Variants in COPG2 observed in about 807,000 individuals in gnomAD.
COPG2 encodes coat protein complex I subunit gamma 2.
A neutral mutation model predicts 46.3 loss-of-function variants in COPG2; 37 were observed. That is an observed-to-expected ratio of 0.80 (90% CI 0.61 to 1.05). The LOEUF (loss-of-function observed/expected upper bound fraction) is 1.05, where lower values mean the gene tolerates loss of function less well. Ranked by LOEUF, COPG2 falls within the 50% of genes least tolerant of loss-of-function variation. The pLI is 0.00. For synonymous variants in COPG2, 159 were observed against 129.7 expected (o/e 1.23, Z -1.53); for missense variants, 427 against 387.8 (o/e 1.10, Z -0.85).
intron 2 of COPG2, 106 bp downstream of exon 2, chr7:130,667,376 A>C: frequency 1.2e-6 from 1 of 858,258 alleles, no homozygotes. Flanking sequence ...AAACTCTGTT[A>C]CGTTTCTTGT....
intron 22 of COPG2, 39 bp from the exon 23 acceptor site, chr7:130,507,411 A>G: frequency 1.3e-6 from 1 of 779,768 alleles, no homozygotes; most frequent in Non-Finnish European, 2.4e-6. Flanking sequence ...TTAGGAAAGT[A>G]AAGCACAGGG....
At chr7:130,509,649 G>A (rs182888747) in intron 20 of COPG2, 26 of 515,218 alleles carry the variant, frequency 5.0e-5, no homozygotes, top group African/African-American at 1.3e-4. Context: ...GACATTACAC[G>A]TAAAGGTATA....
chr7:130,663,000 G>T lies in COPG2; in HGVS notation c.210C>A (p.Phe70Leu). Residue 70 changes from phenylalanine to leucine, a missense_variant, in exon 4 of 24, where the codon TTC (phenylalanine) becomes TTA (leucine). Coordinates refer to ENST00000425248, the MANE Select transcript of COPG2 (RefSeq NM_012133.6). ...ATTGAAACAATCGCGTCATTGCAAA[G>T]AAGGCTTCTGTAGCTTCCGTTGTTC... ...HFGTTEATEAFFAMTRLFQSN... is the reference protein window; with the variant it reads ...HFGTTEATEALFAMTRLFQSN... The T allele has an allele frequency of 6.4e-7, 1 of 1,550,844 alleles. No homozygotes were observed. Among genetic ancestry groups the T allele is most frequent in the Admixed American group, 2.1e-5 (1 of 48,726 alleles).
At chr7:130,533,627 A>C (rs991970281) in intron 20 of COPG2, among the ~76,000 whole-genome samples, 1 of 152,156 alleles carries the variant, frequency 6.6e-6, no homozygotes, top group Non-Finnish European at 1.5e-5. Flanking sequence ...TCAGAGCTCA[A>C]ATCAGACAGT....
At chr7:130,531,873 GCACGGACCCCCAGGCAGGCCTATCCAAT>G (rs1799829694) in intron 20 of COPG2, among the ~76,000 whole-genome samples, 2 of 152,054 alleles carry the variant, frequency 1.3e-5, no homozygotes, top group African/African-American at 4.8e-5. Context: ...AGGGCTGGGG[GCACGGACCCCCAGGCAGGCCTATCCAAT>G]CATCTGAGGG....
At chr7:130,592,871 C>T (rs1211004320) in intron 9 of COPG2, among the ~76,000 whole-genome samples, 1 of 152,232 alleles carries the variant, frequency 6.6e-6, no homozygotes, top group Non-Finnish European at 1.5e-5. Context: ...TTGTATCCCA[C>T]CTGATCACAA....
At chr7:130,525,328 G>C (rs1310761122) in intron 20 of COPG2, among the ~76,000 whole-genome samples, 30 of 152,136 alleles carry the variant, frequency 2.0e-4, no homozygotes, top group Admixed American at 1.6e-3. Flanking sequence ...CCGTCATCAA[G>C]GCCAGACTGT....
At chr7:130,561,573 C>T (rs1041425243) in intron 11 of COPG2, among the ~76,000 whole-genome samples, 1 of 152,094 alleles carries the variant, frequency 6.6e-6, no homozygotes, top group Non-Finnish European at 1.5e-5. Flanking sequence ...AGTCAGTGCT[C>T]GACAAAGACT....
At chr7:130,617,110 TC>T (rs1794964864) in intron 5 of COPG2, 45 bp from the exon 6 acceptor site, 1 of 1,264,252 alleles carries the variant, frequency 7.9e-7, no homozygotes, top group African/African-American at 1.5e-5. Flanking sequence ...TTAAAATCTC[TC>T]CCATGGAGTT....
intron 12 of COPG2, among the ~76,000 whole-genome samples, chr7:130,556,059 C>T (rs1194384464): frequency 6.6e-6 from 1 of 152,050 alleles, no homozygotes; most frequent in African/African-American, 2.4e-5. Context: ...AGCCCCAATT[C>T]CCAAAGTGCA....
chr7:130,621,772 G>A (rs1164046357), intron 5 of COPG2, among the ~76,000 whole-genome samples: 5 of 151,750 alleles, frequency 3.3e-5, no homozygotes, highest in African/African-American at 9.7e-5. Flanking sequence ...GTGAAACCCC[G>A]TCTCTACTAA....
chr7:130,541,365 G>A (rs1799935318), intron 20 of COPG2, among the ~76,000 whole-genome samples: 2 of 151,858 alleles, frequency 1.3e-5, no homozygotes, highest in African/African-American at 4.8e-5. Flanking sequence ...AAGGGAAATG[G>A]AGACAGTGTG....
chr7:130,573,274 T>C (rs1197520686), intron 9 of COPG2, among the ~76,000 whole-genome samples: 4 of 148,988 alleles, frequency 2.7e-5, no homozygotes, highest in Non-Finnish European at 5.9e-5. Context: ...ATATTTAAAA[T>C]AATAATAATA....
At chr7:130,536,952 G>T (rs1031630083) in intron 20 of COPG2, among the ~76,000 whole-genome samples, 2 of 150,776 alleles carry the variant, frequency 1.3e-5, no homozygotes, top group African/African-American at 5.0e-5. Context: ...TGTGGAAGGA[G>T]AGCGTCTTGA....
At chr7:130,526,496 G>GC (rs1799775525) in intron 20 of COPG2, among the ~76,000 whole-genome samples, 1 of 152,032 alleles carries the variant, frequency 6.6e-6, no homozygotes, top group Non-Finnish European at 1.5e-5. Context: ...ATAAGGCAGC[G>GC]CAACGGGGGA....
chr7:130,511,205 A>G (rs964437659), intron 20 of COPG2, among the ~76,000 whole-genome samples: 14 of 151,758 alleles, frequency 9.2e-5, no homozygotes, highest in African/African-American at 3.4e-4. Flanking sequence ...CCTGGGGGAG[A>G]CCATGACAAA....
chr7:130,592,505 T>C (rs1794451690), intron 9 of COPG2, among the ~76,000 whole-genome samples: 1 of 151,542 alleles, frequency 6.6e-6, no homozygotes, highest in African/African-American at 2.4e-5. Context: ...AAAAATCAAA[T>C]GATTCTTTCC....
chr7:130,565,930 C>T (rs1377742973), intron 9 of COPG2, among the ~76,000 whole-genome samples: 1 of 152,022 alleles, frequency 6.6e-6, no homozygotes, highest in African/African-American at 2.4e-5. Context: ...ATGAACAGTG[C>T]TTTGGAGACC....
At chr7:130,556,692 T>G (rs1170566623) in intron 12 of COPG2, among the ~76,000 whole-genome samples, 2 of 152,164 alleles carry the variant, frequency 1.3e-5, no homozygotes, top group East Asian at 3.8e-4. Flanking sequence ...TAATGCACCA[T>G]GATGAAATGG....
Sources: allele counts gnomAD v4.1 joint callset (sites outside exome capture counted in the v4.1 genomes callset), GRCh38; gene constraint gnomAD v4.1.1; transcripts MANE v1.5; gene names NCBI Gene and HGNC (gene_info 2026-07-23, HGNC 2026-07-21).